The following PLXNA4 variants were observed in gnomAD, a reference collection of about 807,000 sequenced individuals.
PLXNA4 encodes the protein plexin A4.
A neutral mutation model predicts 191.8 loss-of-function variants in PLXNA4; 44 were observed. That is an observed-to-expected ratio of 0.23 (90% confidence interval 0.18 to 0.29). PLXNA4 has a LOEUF of 0.29. Ranked by LOEUF, PLXNA4 falls within the 10% of genes least tolerant of loss-of-function variation. The probability of loss-of-function intolerance (pLI) is 1.00; values close to 1 mark genes in which losing one functional copy is unlikely to be tolerated. For synonymous variants in PLXNA4, 1,082 were observed against 1,009.5 expected, an observed-to-expected ratio of 1.07 and a Z score of -1.36; for missense variants, 1,800 against 2,488.8, an observed-to-expected ratio of 0.72 and a Z score of 5.89.
chr7:132,467,864 G>C (rs1796770710), intron 3 of PLXNA4, among the ~76,000 whole-genome samples: 1 of 152,198 alleles, frequency 6.6e-6, no homozygotes, highest in East Asian at 1.9e-4. Flanking sequence ...CTTCTTGGCT[G>C]TGGGATCCTT....
At chr7:132,350,232 G>A (rs369425135) in intron 3 of PLXNA4, among the ~76,000 whole-genome samples, 72 of 152,246 alleles carry the variant, frequency 4.7e-4, no homozygotes, top group African/African-American at 1.5e-3. Context: ...GGCCAGGTGC[G>A]GTGGCTCACA....
chr7:132,527,980 C>T (rs1236440314), intron 1 of PLXNA4, among the ~76,000 whole-genome samples: 1 of 152,176 alleles, frequency 6.6e-6, no homozygotes, highest in African/African-American at 2.4e-5. Context: ...TCTGCAGAAA[C>T]CACCTTACAA....
At chr7:132,609,220 G>C (rs546906886) in intron 2 of PLXNA4, among the ~76,000 whole-genome samples, 1 of 152,284 alleles carries the variant, frequency 6.6e-6, no homozygotes, top group South Asian at 2.1e-4. Flanking sequence ...TGAGTGCAGA[G>C]CCAGTCTCCT....
intron 3 of PLXNA4, among the ~76,000 whole-genome samples, chr7:132,351,066 C>A (rs183038583): frequency 6.6e-6 from 1 of 152,304 alleles, no homozygotes; most frequent in African/African-American, 2.4e-5. Context: ...TCCTTTTATA[C>A]ACAATGTCCA....
chr7:132,203,778 G>A (rs531223481), intron 10 of PLXNA4, among the ~76,000 whole-genome samples: 8 of 152,182 alleles, frequency 5.3e-5, no homozygotes, highest in African/African-American at 1.2e-4. Flanking sequence ...AGGTAAAACC[G>A]AGGGAGGAGT....
chr7:132,281,522 T>C (rs776931466), intron 4 of PLXNA4, among the ~76,000 whole-genome samples: 6 of 152,184 alleles, frequency 3.9e-5, no homozygotes, highest in Non-Finnish European at 8.8e-5. Context: ...AGTTTTAAGA[T>C]ATGAATTTTT....
chr7:132,553,671 C>T (rs572228537), intron 1 of PLXNA4, among the ~76,000 whole-genome samples: 1 of 152,322 alleles, frequency 6.6e-6, no homozygotes, highest in South Asian at 2.1e-4. Flanking sequence ...CATGCTTTCT[C>T]TTTCAACAAC....
At chr7:132,148,919 T>A (rs2116579095) in intron 25 of PLXNA4, among the ~76,000 whole-genome samples, 1 of 152,214 alleles carries the variant, frequency 6.6e-6, no homozygotes, top group South Asian at 2.1e-4. Flanking sequence ...AATGGCTACA[T>A]CTGTAAAAAG....
At chr7:132,293,198 GC>G (rs571334655) in intron 4 of PLXNA4, among the ~76,000 whole-genome samples, 103 of 152,250 alleles carry the variant, frequency 6.8e-4, no homozygotes, top group Middle Eastern at 3.4e-3. Flanking sequence ...GTGCTCACAA[GC>G]CTCCCGATTC....
chr7:132,291,700 T>C (rs78713612), intron 4 of PLXNA4, among the ~76,000 whole-genome samples: 6,900 of 152,250 alleles, frequency 0.045, 501 homozygotes, highest in African/African-American at 0.16. Context: ...TGGCCATCCA[T>C]TCATCCTCTC....
intron 5 of PLXNA4, among the ~76,000 whole-genome samples, chr7:132,236,701 A>G (rs1264659421): frequency 1.3e-5 from 2 of 152,076 alleles, no homozygotes; most frequent in African/African-American, 2.4e-5. Context: ...AGATCTACGG[A>G]CAAATTTGTG....
chr7:132,141,310 T>A (rs1795262376), intron 29 of PLXNA4, among the ~76,000 whole-genome samples: 1 of 152,208 alleles, frequency 6.6e-6, no homozygotes, highest in Non-Finnish European at 1.5e-5. Context: ...CCTGGGCCTC[T>A]CAGCCTACTC....
chr7:132,160,566 C>T (rs544288976), intron 24 of PLXNA4, among the ~76,000 whole-genome samples: 3 of 152,260 alleles, frequency 2.0e-5, no homozygotes, highest in East Asian at 1.9e-4. Flanking sequence ...GGGTGCTGTG[C>T]GTACTGGAGT....
At chr7:132,342,134 T>G (rs565309585) in intron 3 of PLXNA4, among the ~76,000 whole-genome samples, 1 of 151,750 alleles carries the variant, frequency 6.6e-6, no homozygotes, top group African/African-American at 2.4e-5. Context: ...CAGCTCTGTC[T>G]CTTACTATTC....
At chr7:132,391,985 A>T (rs528869388) in intron 3 of PLXNA4, among the ~76,000 whole-genome samples, 3 of 152,228 alleles carry the variant, frequency 2.0e-5, no homozygotes, top group African/African-American at 7.2e-5. Context: ...AGCATTAGCC[A>T]GGCACGGTGG....
intron 2 of PLXNA4, among the ~76,000 whole-genome samples, chr7:132,645,486 A>G (rs1803849434): frequency 6.6e-6 from 1 of 152,156 alleles, no homozygotes; most frequent in Non-Finnish European, 1.5e-5. Flanking sequence ...TGGAACTGTG[A>G]GTCAATTAAA....
At chr7:132,430,735 A>G (rs2241729) in intron 3 of PLXNA4, among the ~76,000 whole-genome samples, 11,055 of 152,276 alleles carry the variant, frequency 0.073, 964 homozygotes, top group East Asian at 0.29. Context: ...GTCAGGCAAA[A>G]GAGTTTAAAC....
chr7:132,266,901 T>C (rs1050930223), intron 4 of PLXNA4, among the ~76,000 whole-genome samples: 7 of 152,320 alleles, frequency 4.6e-5, no homozygotes, highest in African/African-American at 1.7e-4. Context: ...GTATGGGCCA[T>C]GCCACCTGCT....
In PLXNA4 at chr7:132,528,458, A is replaced by G. The variant is rs375476886; in HGVS notation, c.-86-19679T>C. Among the ~76,000 whole-genome samples the G allele has an allele frequency of 5.9e-5, 9 of 152,322 alleles. No individual in the cohort carries two copies. The East Asian group carries it at 1.5e-3, about 26-fold the overall frequency. On this transcript the variant is annotated intron_variant, in intron 1 of 31. Coordinates refer to ENST00000321063, the MANE Select transcript of PLXNA4 (RefSeq NM_020911.2). ...AGGCAGCCATGATTGGAATAAGCCA[A>G]TGATTCCCAGCATCAACCAACAGCT...
Sources: gnomAD v4.1 joint callset for allele counts (sites outside exome capture counted in the v4.1 genomes callset) on GRCh38, gnomAD v4.1.1 for gene constraint, MANE v1.5 for transcripts, NCBI Gene and HGNC (gene_info 2026-07-23, HGNC 2026-07-21) for gene names.